NEBL: variants seen among roughly 807,000 people sequenced by gnomAD.
NEBL encodes the protein LIM and SH3 protein 2.
Under a neutral mutation model 140.2 loss-of-function variants are expected in NEBL, and 122 were observed. The observed-to-expected ratio is 0.87, with a 90% CI of 0.75 to 1.01. NEBL has a LOEUF of 1.01. Ranked by LOEUF, NEBL falls within the 50% of genes least tolerant of loss-of-function variation. NEBL has a pLI of 0.00. For synonymous variants in NEBL, 436 were observed against 398.9 expected (o/e 1.09, Z -1.11); for missense variants, 1,365 against 1,231.3 (o/e 1.11, Z -1.62).
intron 4 of NEBL, among the ~76,000 whole-genome samples, chr10:20,920,767 T>C (rs565058268): frequency 6.6e-6 from 1 of 152,094 alleles, no homozygotes; most frequent in Non-Finnish European, 1.5e-5. Context: ...TAAAAATATA[T>C]AAATAACTCA....
intron 3 of NEBL, among the ~76,000 whole-genome samples, chr10:20,981,352 A>C (rs542283775): frequency 1.5e-4 from 23 of 152,306 alleles, no homozygotes; most frequent in Non-Finnish European, 2.2e-4. Context: ...AACACAGGAA[A>C]ATTATTTATC....
intron 2 of NEBL, among the ~76,000 whole-genome samples, chr10:21,097,408 G>A (rs756069482): frequency 5.3e-5 from 8 of 151,594 alleles, no homozygotes; most frequent in East Asian, 3.9e-4. Context: ...GCAGTGAGCC[G>A]AGATCACACC....
At chr10:21,007,306 C>G (rs549103392) in intron 3 of NEBL, among the ~76,000 whole-genome samples, 46 of 152,230 alleles carry the variant, frequency 3.0e-4, no homozygotes, top group African/African-American at 9.9e-4. Flanking sequence ...TAGATTAAAC[C>G]AATAAATAAT....
intron 2 of NEBL, among the ~76,000 whole-genome samples, chr10:21,100,090 A>C (rs1837401779): frequency 6.6e-6 from 1 of 152,236 alleles, no homozygotes; most frequent in African/African-American, 2.4e-5. Context: ...GAATGTGCTT[A>C]GACACCCACT....
chr10:20,875,337 T>C (rs1232135669), intron 5 of NEBL, among the ~76,000 whole-genome samples: 3 of 152,282 alleles, frequency 2.0e-5, no homozygotes, highest in African/African-American at 7.2e-5. Flanking sequence ...CCCTGATGTG[T>C]CTTGACTCAA....
intron 2 of NEBL, chr10:21,146,672 G>A (rs1839909061): frequency 3.7e-6 from 2 of 545,028 alleles, no homozygotes; most frequent in East Asian, 6.1e-5. Context: ...TGAAAAGTCT[G>A]TAGAATGAAA....
chr10:20,960,818 C>T (rs1054694687), intron 4 of NEBL, among the ~76,000 whole-genome samples: 1 of 152,032 alleles, frequency 6.6e-6, no homozygotes, highest in Non-Finnish European at 1.5e-5. Context: ...ATTAAGGCTA[C>T]ATCAGTTATA....
chr10:21,027,180 A>G (rs545930107), intron 2 of NEBL, among the ~76,000 whole-genome samples: 2 of 152,120 alleles, frequency 1.3e-5, no homozygotes, highest in South Asian at 2.1e-4. Context: ...TTCTTGTGAA[A>G]CCTCCCAGAG....
At chr10:21,047,362 G>A (rs1188677095) in intron 2 of NEBL, among the ~76,000 whole-genome samples, 2 of 152,130 alleles carry the variant, frequency 1.3e-5, no homozygotes, top group Non-Finnish European at 2.9e-5. Context: ...ACAGTATCCA[G>A]TCAGGTACTT....
At chr10:21,195,029 A>G (rs1447729026) in intron 3 of NEBL, among the ~76,000 whole-genome samples, 1 of 152,172 alleles carries the variant, frequency 6.6e-6, no homozygotes, top group Non-Finnish European at 1.5e-5. Flanking sequence ...CGAATGGGAC[A>G]CAGGAGAGAA....
chr10:21,056,959 T>C (rs961332427), intron 2 of NEBL, among the ~76,000 whole-genome samples: 5 of 152,150 alleles, frequency 3.3e-5, no homozygotes, highest in African/African-American at 1.2e-4. Flanking sequence ...TTCTTTAAAC[T>C]GTGCATTCAA....
At chr10:21,005,756 A>T (rs76662732) in intron 3 of NEBL, among the ~76,000 whole-genome samples, 2,141 of 152,224 alleles carry the variant, frequency 0.014, 45 homozygotes, top group African/African-American at 0.048. Flanking sequence ...TAAATTAAAT[A>T]AAATCACTAT....
At chr10:20,859,933 G>A (rs1450899702) in intron 7 of NEBL, 107 bp from the exon 8 acceptor site, 4 of 619,206 alleles carry the variant, frequency 6.5e-6, no homozygotes, top group Non-Finnish European at 1.1e-5. Flanking sequence ...GTTGCCAAGT[G>A]TAAATTCCTG....
chr10:21,247,400 A>T (rs1842531812), intron 3 of NEBL, among the ~76,000 whole-genome samples: 1 of 152,230 alleles, frequency 6.6e-6, no homozygotes, highest in African/African-American at 2.4e-5. Context: ...TCGCTAGAAG[A>T]CAAAACTATA....
In NEBL at chr10:20,812,836, G is replaced by T. The variant is rs375714953; in HGVS notation, c.2451C>A (p.Ser817Arg). The T allele has an allele frequency of 1.2e-6, 2 of 1,613,932 alleles. No individual in the cohort carries two copies. Among genetic ancestry groups the T allele is most frequent in the Admixed American group, 1.7e-5 (1 of 60,006 alleles). Residue 817 changes from serine to arginine, a missense_variant, in exon 24 of 28, where the codon AGC becomes AGA. Ser to Arg is a moderately radical substitution (Grantham distance 110, BLOSUM62 -1). This residue lies in a region of NEBL where 1,323 missense variants were observed against 1,154.8 expected (regional missense o/e 1.15). Coordinates refer to ENST00000377122, the MANE Select transcript of NEBL (RefSeq NM_006393.3). ...ERVRKNTQVV[S>R]DAAYKGVHPH... is the part of the protein sequence containing the mutation. ...GGTGGACCCCTTTATAGGCAGCATC[G>T]CTGACCACCTGGGTGTTCTTCCTCA...
chr10:21,092,778 CT>C (rs1461423091), intron 2 of NEBL, among the ~76,000 whole-genome samples: 4 of 152,054 alleles, frequency 2.6e-5, no homozygotes, highest in African/African-American at 9.7e-5. Flanking sequence ...TTCCAGGCCC[CT>C]TCACATCTGA....
chr10:20,983,179 G>C (rs1386911641), intron 3 of NEBL, among the ~76,000 whole-genome samples: 4 of 152,168 alleles, frequency 2.6e-5, no homozygotes, highest in Admixed American at 2.6e-4. Context: ...TAGGAAGTGA[G>C]AAAATCAAAT....
chr10:20,848,853 A>G (rs2131037500), intron 11 of NEBL, among the ~76,000 whole-genome samples: 1 of 152,344 alleles, frequency 6.6e-6, no homozygotes, highest in Non-Finnish European at 1.5e-5. Flanking sequence ...TTTTGCTTGA[A>G]GAAGAAATTA....
At chr10:20,788,516 C>T (rs763231708) in intron 26 of NEBL, among the ~76,000 whole-genome samples, 55 of 152,040 alleles carry the variant, frequency 3.6e-4, no homozygotes, top group South Asian at 8.3e-4. Flanking sequence ...AATTACAAAT[C>T]ATTTAATATG....
Sources: gnomAD v4.1 joint callset for allele counts (sites outside exome capture counted in the v4.1 genomes callset) on GRCh38, gnomAD v4.1.1 for gene constraint, gnomAD v4.1.1 regional missense constraint, MANE v1.5 for transcripts, NCBI Gene and HGNC (gene_info 2026-07-23, HGNC 2026-07-21) for gene names.